ADGRV1: variants seen among roughly 807,000 people sequenced by gnomAD.
The protein encoded by ADGRV1 is adhesion G protein-coupled receptor V1.
In ADGRV1, 359 loss-of-function variants were observed where a neutral mutation model predicts 596.2. The ratio of observed to expected loss-of-function variants is 0.60; its 90% CI spans 0.55 to 0.66. The LOEUF is 0.66. Ranked by LOEUF, ADGRV1 falls within the 30% of genes least tolerant of loss-of-function variation. The probability of loss-of-function intolerance (pLI) is 0.00; values close to 1 mark genes in which losing one functional copy is unlikely to be tolerated. For synonymous variants in ADGRV1, 2,681 were observed against 2,679.2 expected, an observed-to-expected ratio of 1.00 and a Z score of -0.02; for missense variants, 7,274 against 7,575.6, an observed-to-expected ratio of 0.96 and a Z score of 1.48.
intron 78 of ADGRV1, among the ~76,000 whole-genome samples, chr5:90,842,026 C>T (rs969917781): frequency 4.6e-5 from 7 of 152,188 alleles, no homozygotes; most frequent in Non-Finnish European, 7.4e-5. Context: ...GGCCCAATGG[C>T]GTAGGACAAT....
intron 48 of ADGRV1, among the ~76,000 whole-genome samples, chr5:90,726,889 A>C (rs1751862903): frequency 1.3e-5 from 2 of 152,282 alleles, no homozygotes; most frequent in Middle Eastern, 3.4e-3. Flanking sequence ...TCTGTATTCC[A>C]GGCCTACATA....
intron 22 of ADGRV1, among the ~76,000 whole-genome samples, 178 bp from the exon 23 acceptor site, chr5:90,673,876 G>A (rs1389225717): frequency 6.6e-6 from 1 of 151,980 alleles, no homozygotes; most frequent in East Asian, 1.9e-4. Flanking sequence ...CTCTTTATAT[G>A]TCTATATACA....
rs116370124 is a variant in ADGRV1, at chr5:90,949,081, G to A, written c.17857-16334G>A. Among the ~76,000 whole-genome samples, 487 of 152,210 alleles carry A rather than the reference G, an allele frequency of 3.2e-3. 4 individuals are homozygous for A. Among genetic ancestry groups the A allele is most frequent in the African/African-American group, 0.011 (467 of 41,554 alleles). On this transcript the variant is annotated intron_variant, in intron 83 of 89. Transcript: ENST00000405460. ...AAGTGAAATATTGCTACATGCAACA[G>A]TATGGGTTAATCTCACAGATACTTG...
chr5:91,103,472 A>ACCATCAGGGCAGAG (rs1314448924), intron 87 of ADGRV1, among the ~76,000 whole-genome samples: 3 of 151,140 alleles, frequency 2.0e-5, no homozygotes, highest in Admixed American at 6.6e-5. Flanking sequence ...GGGCCTGTTG[A>ACCATCAGGGCAGAG]CCATCAGGGC....
At chr5:90,902,463 G>C (rs1771935922) in intron 83 of ADGRV1, among the ~76,000 whole-genome samples, 1 of 152,104 alleles carries the variant, frequency 6.6e-6, no homozygotes, top group Non-Finnish European at 1.5e-5. Context: ...TACATATGTT[G>C]CCTCCTTGCT....
chr5:90,854,031 A>G (rs1031773307), intron 80 of ADGRV1, 31 bp from the exon 81 acceptor site: 1 of 1,516,400 alleles, frequency 6.6e-7, no homozygotes, highest in Non-Finnish European at 9.0e-7. Context: ...ATTGTAAAAC[A>G]TCATTATATG....
Position 91,105,471 on chromosome 5 carries a change from C to T in ADGRV1, c.18432+3131C>T, listed in dbSNP as rs1376168038. On this transcript the variant is annotated intron_variant, in intron 87 of 89. Transcript: ENST00000405460. ...TTCCCACCAGCGGTGTAGAAGAGTT[C>T]TGTTTTCTCCGCATCATCACTAGCA... 1.3e-5 allele frequency among the ~76,000 whole-genome samples: 2 copies of T among 152,124 alleles called. 1 individual carries two copies. Among genetic ancestry groups the T allele is most frequent in the African/African-American group, 4.8e-5 (2 of 41,438 alleles).
intron 86 of ADGRV1, among the ~76,000 whole-genome samples, chr5:91,094,243 G>A (rs1243282099): frequency 1.3e-5 from 2 of 151,812 alleles, no homozygotes; most frequent in South Asian, 2.1e-4. Flanking sequence ...GCGGATCACC[G>A]AAGTCAGTAG....
chr5:90,587,369 A>G (rs1245688101), intron 1 of ADGRV1, among the ~76,000 whole-genome samples: 1 of 151,992 alleles, frequency 6.6e-6, no homozygotes, highest in Non-Finnish European at 1.5e-5. Flanking sequence ...CTGGGCCCTT[A>G]TGATCCTTAT....
At chr5:90,771,430 G>C (rs568154602) in intron 59 of ADGRV1, among the ~76,000 whole-genome samples, 2 of 152,188 alleles carry the variant, frequency 1.3e-5, no homozygotes, top group East Asian at 1.9e-4. Flanking sequence ...CTAAACAAAG[G>C]CTCTGAGTAT....
intron 82 of ADGRV1, among the ~76,000 whole-genome samples, chr5:90,861,511 G>A (rs1417014542): frequency 4.0e-5 from 6 of 150,710 alleles, no homozygotes; most frequent in Admixed American, 2.0e-4. Flanking sequence ...GGGTTTCACC[G>A]TGTTAGCCAG....
At chr5:90,812,327 A>C (rs894518369) in intron 74 of ADGRV1, among the ~76,000 whole-genome samples, 1 of 151,930 alleles carries the variant, frequency 6.6e-6, no homozygotes, top group African/African-American at 2.4e-5. Context: ...TTCTTTTTTC[A>C]TTTTCATGTT....
At chr5:90,612,172 A>G (rs997276416) in intron 1 of ADGRV1, among the ~76,000 whole-genome samples, 10 of 152,190 alleles carry the variant, frequency 6.6e-5, no homozygotes, top group Admixed American at 6.5e-4. Context: ...GGGAAACTGT[A>G]AGAATGCAGC....
chr5:90,559,759 A>G (rs868337734), intron 1 of ADGRV1, among the ~76,000 whole-genome samples: 1 of 152,178 alleles, frequency 6.6e-6, no homozygotes, highest in African/African-American at 2.4e-5. Flanking sequence ...AGTCAAAAAT[A>G]TACCTTAACT....
chr5:90,675,540 G>A, intron 24 of ADGRV1, 95 bp downstream of exon 24: 11 of 1,200,136 alleles, frequency 9.2e-6, no homozygotes, highest in Non-Finnish European at 1.2e-5. Context: ...GGAACATAGT[G>A]ACTCACGCCT....
chr5:90,675,959 C>A (rs1465313335), intron 24 of ADGRV1, 121 bp from the exon 25 acceptor site: 3 of 668,344 alleles, frequency 4.5e-6, no homozygotes, highest in East Asian at 6.2e-5. Flanking sequence ...GTCTTCTTAG[C>A]ATTTATAATA....
At chr5:90,745,369 A>G in intron 51 of ADGRV1, 104 bp downstream of exon 51, 2 of 806,480 alleles carry the variant, frequency 2.5e-6, no homozygotes, top group Non-Finnish European at 3.8e-6. Flanking sequence ...TACAAAATAT[A>G]AGAGCTATTT....
In ADGRV1 at chr5:90,684,033, A is replaced by C. The variant is rs1360495858; in HGVS notation, c.6112A>C (p.Arg2038=). Residue 2038 remains arginine (R), a synonymous_variant, in exon 28 of 90, where the codon AGA becomes CGA. Coordinates refer to ENST00000405460, the MANE Select transcript of ADGRV1 (RefSeq NM_032119.4). The part of the protein sequence containing the change: ...PPNLARATQG[R]DYIPASGFAL... ...TAATTTAGCGAGAGCAACTCAAGGA[A>C]GAGACTATATACCAGCTTCTGGATT... 1.2e-6 allele frequency: 2 copies of C among 1,613,856 alleles called. No individual in the cohort carries two copies. Among genetic ancestry groups the C allele is most frequent in the South Asian group, 2.2e-5 (2 of 91,088 alleles).
chr5:91,145,358 A>G (rs1320952993), intron 87 of ADGRV1, among the ~76,000 whole-genome samples: 2 of 152,242 alleles, frequency 1.3e-5, no homozygotes, highest in South Asian at 4.1e-4. Flanking sequence ...TTGTTTCCCG[A>G]TCTAGCTTTT....
Sources: gnomAD v4.1 joint callset for allele counts (sites outside exome capture counted in the v4.1 genomes callset) on GRCh38, gnomAD v4.1.1 for gene constraint, MANE v1.5 for transcripts, NCBI Gene and HGNC (gene_info 2026-07-23, HGNC 2026-07-21) for gene names.